DERA: variants seen among roughly 807,000 people sequenced by gnomAD.
The protein encoded by DERA is 2-deoxy-D-ribose 5-phosphate aldolase.
Under a neutral mutation model 41.1 loss-of-function variants are expected in DERA, and 15 were observed. The observed-to-expected ratio is 0.37, with a 90% CI of 0.24 to 0.56. DERA has a LOEUF of 0.56. DERA is among the 20% of genes least tolerant of loss of function. The probability of loss-of-function intolerance (pLI) is 0.81; values close to 1 mark genes in which losing one functional copy is unlikely to be tolerated. For missense variants in DERA, 396 were observed against 403.4 expected, an observed-to-expected ratio of 0.98 and a Z score of 0.16; for synonymous variants, 139 against 137.4, an observed-to-expected ratio of 1.01 and a Z score of -0.08.
chr12:15,960,650 A>AAAAC (rs1275575831), intron 4 of DERA, among the ~76,000 whole-genome samples: 2 of 151,046 alleles, frequency 1.3e-5, no homozygotes, highest in African/African-American at 2.4e-5. Flanking sequence ...AAAAAAAAAA[A>AAAAC]AAAAAAAAAA....
rs1437246162 is a variant in DERA at position 15,999,498 on chromosome 12, G to A, written c.637+17062G>A. The stretch of plus-strand genomic sequence containing the variant: ...TCATAGAAGAATTCACAAAGCAAGT[G>A]GCATTTGTATAGAAGTTGTTAGGTG... On this transcript the variant is annotated intron_variant, in intron 6 of 8. Transcript: ENST00000428559. The surrounding 1 kb of genome is among the most constrained non-coding windows in gnomAD (Gnocchi z 5.3). Among the ~76,000 whole-genome samples the A allele has an allele frequency of 6.6e-6, 1 of 152,188 alleles. No individual in the cohort carries two copies. The highest frequency in any genetic ancestry group is 2.4e-5 in the African/African-American group (1 of 41,436).
intron 1 of DERA, among the ~76,000 whole-genome samples, chr12:15,945,286 T>TG (rs935665461): frequency 9.9e-5 from 15 of 152,226 alleles, no homozygotes; most frequent in Non-Finnish European, 2.9e-5. Context: ...AGTAGCTTGA[T>TG]GGGGATGGCA....
chr12:16,035,287 C>T lies in DERA; in HGVS notation c.751-945C>T, dbSNP rs146204795. On this transcript the variant is annotated intron_variant, in intron 7 of 8. Coordinates refer to ENST00000428559, the MANE Select transcript of DERA (RefSeq NM_015954.4). The surrounding 1 kb of genome is among the most constrained non-coding windows in gnomAD (Gnocchi z 4.1). ...ATAATAGAATATATTCATTTAATGT[C>T]TCCCTTCTCTAGCATTCTGTTAGCA... Among the ~76,000 whole-genome samples the T allele has an allele frequency of 5.1e-4, 78 of 152,226 alleles. 1 individual carries two copies. Among genetic ancestry groups the T allele is most frequent in the African/African-American group, 1.8e-3 (74 of 41,538 alleles).
chr12:16,033,621 GTGTT>G (rs1340177500), intron 7 of DERA, among the ~76,000 whole-genome samples: 2 of 150,744 alleles, frequency 1.3e-5, no homozygotes, highest in South Asian at 4.2e-4. Context: ...GTGTGTGTGT[GTGTT>G]TAATGACACT....
intron 1 of DERA, among the ~76,000 whole-genome samples, chr12:15,934,375 A>G (rs1235612388): frequency 6.6e-6 from 1 of 152,118 alleles, no homozygotes; most frequent in African/African-American, 2.4e-5. Context: ...TCACAAGGTC[A>G]GGAGATCGAG....
chr12:15,973,257 A>G (rs1948675836), intron 5 of DERA, among the ~76,000 whole-genome samples: 1 of 152,112 alleles, frequency 6.6e-6, no homozygotes. Context: ...ACCCACTTTC[A>G]CTACCCCTGA....
At chr12:15,974,717 A>T (rs1450968) in intron 5 of DERA, among the ~76,000 whole-genome samples, 94,788 of 152,038 alleles carry the variant, frequency 0.62, 29,909 homozygotes, top group East Asian at 0.82. Flanking sequence ...CCTTTTCCTC[A>T]TCTAACTTTT....
rs748580878 is a variant in DERA at position 16,013,192 on chromosome 12, A to C, written c.638-19350A>C. ...TCATTTTAAAGAACCATAATTATGA[A>C]TGTGTTGAAGTATTTTTCTTCAGTA... On this transcript the variant is annotated intron_variant, in intron 6 of 8. Coordinates refer to ENST00000428559, the MANE Select transcript of DERA (RefSeq NM_015954.4). The surrounding 1 kb of genome is among the most constrained non-coding windows in gnomAD (Gnocchi z 5.8). Among the ~76,000 whole-genome samples the C allele has an allele frequency of 6.6e-6, 1 of 152,118 alleles. No homozygotes were observed. Among genetic ancestry groups the C allele is most frequent in the Non-Finnish European group, 1.5e-5 (1 of 68,004 alleles).
intron 4 of DERA, 167 bp from the exon 5 acceptor site, chr12:15,962,646 G>T: frequency 1.9e-6 from 1 of 526,524 alleles, no homozygotes; most frequent in Non-Finnish European, 3.3e-6. Context: ...CATAAGTGAT[G>T]TTCTTAAGTG....
In DERA at chr12:15,938,268, G is replaced by T. The variant is rs914643602; in HGVS notation, c.32-18668G>T. 2.6e-5 allele frequency among the ~76,000 whole-genome samples: 4 copies of T among 152,080 alleles called. No homozygotes were observed. The South Asian group carries it at 6.2e-4, about 24-fold the overall frequency. On this transcript the variant is annotated intron_variant, in intron 1 of 8. Transcript: ENST00000428559. The surrounding 1 kb of genome is among the most constrained non-coding windows in gnomAD (Gnocchi z 4.1). ...TAGACACTTTTGACAGCAAAAGGGA[G>T]CACTAAAAATACTTAAAATTATATA... is the stretch of plus-strand genomic sequence containing the variant.
chr12:15,934,202 A>G (rs1384003096), intron 1 of DERA, among the ~76,000 whole-genome samples: 1 of 152,116 alleles, frequency 6.6e-6, no homozygotes, highest in African/African-American at 2.4e-5. Context: ...GGTGCCTTGC[A>G]TATTCCTGTG....
intron 6 of DERA, among the ~76,000 whole-genome samples, chr12:15,986,907 C>T (rs2136165111): frequency 6.6e-6 from 1 of 152,218 alleles, no homozygotes; most frequent in East Asian, 1.9e-4. Flanking sequence ...CTGAAAATGT[C>T]TTTATTTCAC....
intron 6 of DERA, among the ~76,000 whole-genome samples, chr12:15,991,168 T>C (rs1006883972): frequency 2.0e-5 from 3 of 152,214 alleles, no homozygotes; most frequent in Admixed American, 2.0e-4. Flanking sequence ...TGTGAGATGG[T>C]ATCTCATTGT....
intron 4 of DERA, among the ~76,000 whole-genome samples, chr12:15,961,495 G>C (rs1325913666): frequency 2.0e-5 from 3 of 151,626 alleles, no homozygotes; most frequent in African/African-American, 4.9e-5. Flanking sequence ...GGGCAACAAA[G>C]ATCTCTACAA....
rs7966120 is a variant in DERA at position 15,965,863 on chromosome 12, G to A, written c.508+2916G>A. Among the ~76,000 whole-genome samples the A allele has an allele frequency of 2.0e-5, 3 of 151,852 alleles. No individual in the cohort carries two copies. Among genetic ancestry groups the A allele is most frequent in the Non-Finnish European group, 2.9e-5 (2 of 67,970 alleles). ...TCCTTCCTCCTAAATTCCTTCCCTC[G>A]ACTGTGCTGTGGCTCTCATCTCCCC... On this transcript the variant is annotated intron_variant, in intron 5 of 8. Transcript: ENST00000428559. The surrounding 1 kb of genome is among the most constrained non-coding windows in gnomAD (Gnocchi z 4.1).
At position 15,994,657 on chromosome 12, in the gene DERA, G is replaced by A. The variant is rs145960790; in HGVS notation, c.637+12221G>A. ...TTTAGTAGAGACGGGGTTTCACCATGTTAGCCAGCATGGTCTCGATCTCCT... is the reference window on the plus strand; with the variant it reads ...TTTAGTAGAGACGGGGTTTCACCATATTAGCCAGCATGGTCTCGATCTCCT... On this transcript the variant is annotated intron_variant, in intron 6 of 8. Coordinates refer to ENST00000428559, the MANE Select transcript of DERA (RefSeq NM_015954.4). This position sits in a 1 kb window ranked among gnomAD's most constrained non-coding sequence, Gnocchi z 4.8. 6.2e-4 allele frequency among the ~76,000 whole-genome samples: 95 copies of A among 152,248 alleles called. No homozygotes were observed. The highest frequency in any genetic ancestry group is 1.9e-3 in the African/African-American group (81 of 41,552).
rs1451676260 is a variant in DERA at position 15,943,691 on chromosome 12, TTTTA to T, written c.32-13241_32-13238del. On this transcript the variant is annotated intron_variant, in intron 1 of 8. Coordinates refer to ENST00000428559, the MANE Select transcript of DERA (RefSeq NM_015954.4). The surrounding 1 kb of genome is among the most constrained non-coding windows in gnomAD (Gnocchi z 4.5). The stretch of plus-strand genomic sequence containing the variant: ...CATTTTCTATTTTCTGTTTCTTCTT[TTTTA>T]TTTTTTAATTTTTATTTATTTATTT... Among the ~76,000 whole-genome samples the T allele has an allele frequency of 1.4e-5, 2 of 146,308 alleles. No individual in the cohort carries two copies. Among genetic ancestry groups the T allele is most frequent in the Admixed American group, 7.1e-5 (1 of 14,080 alleles).
rs55915810 is a variant in DERA, at chr12:15,998,938, T to C, written c.637+16502T>C. On this transcript the variant is annotated intron_variant, in intron 6 of 8. Coordinates refer to ENST00000428559, the MANE Select transcript of DERA (RefSeq NM_015954.4). This position sits in a 1 kb window ranked among gnomAD's most constrained non-coding sequence, Gnocchi z 4.8. ...TTTCTAAGAGCAAGAATTTATATTT[T>C]AAATTTAGGTCTCTCAGGACATTTG... Among the ~76,000 whole-genome samples, 9,945 of 152,260 alleles carry C rather than the reference T, an allele frequency of 0.065. 1,043 individuals carry two copies. The highest frequency in any genetic ancestry group is 0.22 in the African/African-American group (9,155 of 41,496).
At chr12:15,933,499 A>C (rs535831525) in intron 1 of DERA, among the ~76,000 whole-genome samples, 11 of 152,282 alleles carry the variant, frequency 7.2e-5, no homozygotes, top group African/African-American at 2.6e-4. Flanking sequence ...ACTTGGCTAT[A>C]GTTTCTCCCT....
Sources: allele counts gnomAD v4.1 joint callset (sites outside exome capture counted in the v4.1 genomes callset), GRCh38; gene constraint gnomAD v4.1.1; non-coding constraint Gnocchi (gnomAD v3.1); transcripts MANE v1.5; gene names NCBI Gene and HGNC (gene_info 2026-07-23, HGNC 2026-07-21).